SNTG1: variants seen among roughly 807,000 people sequenced by gnomAD.
The protein encoded by SNTG1 is gamma-1-syntrophin.
In SNTG1, 39 loss-of-function variants were observed where a neutral mutation model predicts 74.7. The observed-to-expected ratio is 0.52, with a 90% CI of 0.40 to 0.68. SNTG1 has a LOEUF of 0.68. SNTG1 is among the 30% of genes least tolerant of loss of function. The pLI, the probability that SNTG1 is intolerant of heterozygous loss-of-function variation, is 0.00. For missense variants in SNTG1, 685 were observed against 609.5 expected, an observed-to-expected ratio of 1.12 and a Z score of -1.30; for synonymous variants, 254 against 217.1, an observed-to-expected ratio of 1.17 and a Z score of -1.49.
chr8:50,291,532 G>C (rs1237084621), intron 2 of SNTG1, among the ~76,000 whole-genome samples: 1 of 152,128 alleles, frequency 6.6e-6, no homozygotes. Flanking sequence ...AGACAGCCAG[G>C]TAAGAAATGA....
chr8:50,489,743 T>C (rs539580988), intron 8 of SNTG1, among the ~76,000 whole-genome samples: 1 of 152,368 alleles, frequency 6.6e-6, no homozygotes, highest in South Asian at 2.1e-4. Context: ...ATACCGATGA[T>C]AGTTTCTTTG....
At chr8:50,373,780 A>G (rs769763215) in intron 2 of SNTG1, among the ~76,000 whole-genome samples, 1 of 152,188 alleles carries the variant, frequency 6.6e-6, no homozygotes, top group Non-Finnish European at 1.5e-5. Flanking sequence ...ATATCTGTTC[A>G]TGGTGACAAT....
chr8:50,749,462 C>T (rs2095562313), intron 17 of SNTG1, among the ~76,000 whole-genome samples: 1 of 152,022 alleles, frequency 6.6e-6, no homozygotes, highest in African/African-American at 2.4e-5. Context: ...AAGGTGGCTA[C>T]ACTAAACAAC....
intron 8 of SNTG1, 49 bp downstream of exon 8, chr8:50,450,778 G>GA: frequency 6.4e-7 from 1 of 1,568,500 alleles, no homozygotes; most frequent in Non-Finnish European, 8.7e-7. Flanking sequence ...GTGCAAATAA[G>GA]AATTTAGTGC....
intron 2 of SNTG1, among the ~76,000 whole-genome samples, chr8:50,325,338 T>G (rs2090701867): frequency 6.6e-6 from 1 of 151,984 alleles, no homozygotes; most frequent in South Asian, 2.1e-4. Flanking sequence ...CAATTGAGTC[T>G]ATCCATAAAT....
At chr8:49,968,768 TA>T (rs1811379440) in intron 1 of SNTG1, among the ~76,000 whole-genome samples, 1 of 152,132 alleles carries the variant, frequency 6.6e-6, no homozygotes, top group African/African-American at 2.4e-5. Context: ...AGAAGCCATT[TA>T]TCTCCTGCAA....
intron 1 of SNTG1, among the ~76,000 whole-genome samples, chr8:50,077,188 G>A (rs1444458261): frequency 2.6e-5 from 4 of 152,088 alleles, no homozygotes; most frequent in African/African-American, 7.2e-5. Context: ...TGATGAATTC[G>A]ATATTCAATT....
intron 15 of SNTG1, among the ~76,000 whole-genome samples, chr8:50,676,596 C>G (rs773145150): frequency 2.0e-5 from 3 of 151,544 alleles, no homozygotes; most frequent in Non-Finnish European, 4.4e-5. Context: ...CTCAACATAC[C>G]GTTTCTGATT....
intron 1 of SNTG1, among the ~76,000 whole-genome samples, chr8:50,010,368 C>T (rs569651412): frequency 6.6e-6 from 1 of 152,228 alleles, no homozygotes; most frequent in Admixed American, 6.5e-5. Context: ...TATAATTACA[C>T]AGTTAGGAAG....
At chr8:50,317,500 T>C (rs2090357578) in intron 2 of SNTG1, among the ~76,000 whole-genome samples, 1 of 152,202 alleles carries the variant, frequency 6.6e-6, no homozygotes, top group African/African-American at 2.4e-5. Flanking sequence ...TCCTTAAAGA[T>C]AATCCTGGCA....
At chr8:50,123,098 C>T (rs2081047842) in intron 1 of SNTG1, among the ~76,000 whole-genome samples, 1 of 141,860 alleles carries the variant, frequency 7.0e-6, no homozygotes, top group Admixed American at 7.2e-5. Flanking sequence ...ATCTTAGATG[C>T]ATTTGAGACA....
chr8:50,197,537 C>A (rs182996959), intron 2 of SNTG1, among the ~76,000 whole-genome samples: 2 of 152,124 alleles, frequency 1.3e-5, no homozygotes, highest in Non-Finnish European at 2.9e-5. Context: ...CAGGATAACA[C>A]CAGAATGAAT....
intron 12 of SNTG1, among the ~76,000 whole-genome samples, chr8:50,560,168 G>A (rs1340263203): frequency 6.6e-6 from 1 of 152,158 alleles, no homozygotes; most frequent in African/African-American, 2.4e-5. Context: ...ACCACAGTGA[G>A]GTACCATCTC....
At chr8:50,252,785 A>T (rs1230659485) in intron 2 of SNTG1, among the ~76,000 whole-genome samples, 1 of 152,192 alleles carries the variant, frequency 6.6e-6, no homozygotes, top group Non-Finnish European at 1.5e-5. Context: ...CATGACTCAA[A>T]CACCTCCCAC....
At chr8:50,214,600 G>A (rs755863746) in intron 2 of SNTG1, among the ~76,000 whole-genome samples, 10 of 151,898 alleles carry the variant, frequency 6.6e-5, no homozygotes, top group Non-Finnish European at 1.0e-4. Flanking sequence ...AATACATTTC[G>A]TGCACTCATC....
At chr8:49,934,197 C>G (rs555286346) in intron 1 of SNTG1, among the ~76,000 whole-genome samples, 1 of 151,918 alleles carries the variant, frequency 6.6e-6, no homozygotes, top group African/African-American at 2.4e-5. Context: ...TAAATTGATA[C>G]CTTCCCTGAT....
At chr8:50,241,793 C>A (rs1365778513) in intron 2 of SNTG1, among the ~76,000 whole-genome samples, 2 of 152,056 alleles carry the variant, frequency 1.3e-5, no homozygotes, top group African/African-American at 4.8e-5. Flanking sequence ...ATGAACTTTA[C>A]AATTATGCAG....
At chr8:49,982,624 G>A (rs1014660737) in intron 1 of SNTG1, among the ~76,000 whole-genome samples, 1 of 119,490 alleles carries the variant, frequency 8.4e-6, no homozygotes, top group Non-Finnish European at 1.7e-5. Context: ...AAAAAAGTTT[G>A]AGCCCAAAAC....
In SNTG1 at chr8:50,142,843, G is replaced by T. The variant is rs574983721; in HGVS notation, c.-102-29718G>T. On this transcript the variant is annotated intron_variant, in intron 1 of 18. Transcript: ENST00000642720. ...TCCCAACACTTTGGGAGGCCAAGGCGGGTGGATCACCTGAGGTCAGGAGTT... is the reference window on the plus strand; with the variant it reads ...TCCCAACACTTTGGGAGGCCAAGGCTGGTGGATCACCTGAGGTCAGGAGTT... Among the ~76,000 whole-genome samples the T allele has an allele frequency of 2.6e-5, 4 of 152,142 alleles. No individual in the cohort carries two copies. The East Asian group carries it at 7.8e-4, about 30-fold the overall frequency.
Sources: gnomAD v4.1 joint callset for allele counts (sites outside exome capture counted in the v4.1 genomes callset) on GRCh38, gnomAD v4.1.1 for gene constraint, MANE v1.5 for transcripts, NCBI Gene and HGNC (gene_info 2026-07-23, HGNC 2026-07-21) for gene names.